SCAPER: variants seen among roughly 807,000 people sequenced by gnomAD.
SCAPER encodes S-phase cyclin A associated protein in the ER.
A neutral mutation model predicts 182.2 loss-of-function variants in SCAPER; 98 were observed. That is an observed-to-expected ratio of 0.54 (90% CI 0.46 to 0.64). The LOEUF (loss-of-function observed/expected upper bound fraction) is 0.64. Among genes scored for constraint, SCAPER ranks in the 30% least tolerant of loss-of-function variants. The pLI is 0.00. For missense variants in SCAPER, 1,432 were observed against 1,690.0 expected (o/e 0.85, Z 2.68); for synonymous variants, 605 against 564.6 (o/e 1.07, Z -1.01).
chr15:76,633,250 T>C (rs562345354), intron 21 of SCAPER, among the ~76,000 whole-genome samples: 1 of 152,276 alleles, frequency 6.6e-6, no homozygotes, highest in African/African-American at 2.4e-5. Flanking sequence ...CTCCTGGAAT[T>C]ATCACCAGTG....
At chr15:76,842,514 T>C (rs1470996152) in intron 4 of SCAPER, among the ~76,000 whole-genome samples, 1 of 152,166 alleles carries the variant, frequency 6.6e-6, no homozygotes, top group African/African-American at 2.4e-5. Context: ...GCCATGATTG[T>C]ATGAGTTTCC....
At chr15:76,625,101 C>A (rs2052446154) in intron 21 of SCAPER, among the ~76,000 whole-genome samples, 1 of 152,132 alleles carries the variant, frequency 6.6e-6, no homozygotes, top group African/African-American at 2.4e-5. Flanking sequence ...CTGGGCTGGG[C>A]AGTCCCCAGG....
At chr15:76,797,613 A>G (rs973477182) in intron 7 of SCAPER, 3 of 152,232 alleles carry the variant, frequency 2.0e-5, no homozygotes, top group African/African-American at 7.2e-5. Flanking sequence ...CAGAGCATTC[A>G]AAGTATGTCC....
At chr15:76,485,854 C>T (rs991808895) in intron 24 of SCAPER, among the ~76,000 whole-genome samples, 2 of 152,090 alleles carry the variant, frequency 1.3e-5, no homozygotes, top group African/African-American at 2.4e-5. Context: ...GAAACTGGGC[C>T]CCTTCCTTAC....
At chr15:76,485,237 A>G (rs1056311339) in intron 24 of SCAPER, among the ~76,000 whole-genome samples, 2 of 152,020 alleles carry the variant, frequency 1.3e-5, no homozygotes, top group African/African-American at 4.8e-5. Flanking sequence ...AATATCACCG[A>G]CAACAGTCAA....
chr15:76,894,803 C>A (rs992342675), intron 1 of SCAPER, among the ~76,000 whole-genome samples: 1 of 152,046 alleles, frequency 6.6e-6, no homozygotes, highest in African/African-American at 2.4e-5. Flanking sequence ...AAGTAAACTC[C>A]TAGAAATATA....
intron 14 of SCAPER, among the ~76,000 whole-genome samples, chr15:76,757,117 T>G (rs576434938): frequency 6.6e-6 from 1 of 152,248 alleles, no homozygotes; most frequent in Non-Finnish European, 1.5e-5. Context: ...GACTTTCTAA[T>G]GAAGGAATAT....
chr15:76,628,812 GT>G (rs1311651078), intron 21 of SCAPER, among the ~76,000 whole-genome samples: 1 of 152,208 alleles, frequency 6.6e-6, no homozygotes, highest in Non-Finnish European at 1.5e-5. Context: ...TGTGAAGAAT[GT>G]CAATGATAGT....
At chr15:76,490,645 T>G (rs551183770) in intron 24 of SCAPER, among the ~76,000 whole-genome samples, 1 of 152,328 alleles carries the variant, frequency 6.6e-6, no homozygotes, top group African/African-American at 2.4e-5. Context: ...TATTTTAATG[T>G]GGTCCCATTT....
At chr15:76,858,708 T>G (rs995213681) in intron 3 of SCAPER, among the ~76,000 whole-genome samples, 1 of 152,214 alleles carries the variant, frequency 6.6e-6, no homozygotes, top group African/African-American at 2.4e-5. Flanking sequence ...CACTTATAAA[T>G]GAGAACGTGC....
At chr15:76,767,301 T>A (rs1467353141) in intron 10 of SCAPER, among the ~76,000 whole-genome samples, 1 of 152,120 alleles carries the variant, frequency 6.6e-6, no homozygotes, top group Admixed American at 6.5e-5. Flanking sequence ...TTCCATAAAA[T>A]GGAACAATAA....
intron 24 of SCAPER, among the ~76,000 whole-genome samples, chr15:76,497,789 G>A (rs1465662350): frequency 1.3e-5 from 2 of 151,650 alleles, no homozygotes; most frequent in African/African-American, 4.8e-5. Context: ...TCACGAGATC[G>A]AGACCAGCCT....
chr15:76,859,876 C>T (rs1453532596), intron 3 of SCAPER, among the ~76,000 whole-genome samples: 2 of 151,990 alleles, frequency 1.3e-5, no homozygotes, highest in African/African-American at 2.4e-5. Flanking sequence ...TGCCATGCCC[C>T]GCTAATTGTT....
chr15:76,355,055 A>G (rs1391190022), intron 29 of SCAPER, among the ~76,000 whole-genome samples: 2 of 152,230 alleles, frequency 1.3e-5, no homozygotes, highest in Admixed American at 6.5e-5. Flanking sequence ...GAAAAACACA[A>G]TTTTACAGGT....
intron 24 of SCAPER, among the ~76,000 whole-genome samples, chr15:76,494,637 A>G (rs938087805): frequency 1.3e-5 from 2 of 152,188 alleles, no homozygotes; most frequent in African/African-American, 4.8e-5. Context: ...TAACTTTGTA[A>G]GAGATCCAAC....
intron 22 of SCAPER, among the ~76,000 whole-genome samples, chr15:76,587,894 G>A (rs1472081754): frequency 6.6e-6 from 1 of 151,394 alleles, no homozygotes; most frequent in Non-Finnish European, 1.5e-5. Context: ...CACTATTACT[G>A]TGCTACTGTC....
At chr15:76,690,327 C>A (rs1410345430) in intron 20 of SCAPER, among the ~76,000 whole-genome samples, 1 of 152,004 alleles carries the variant, frequency 6.6e-6, no homozygotes, top group Non-Finnish European at 1.5e-5. Flanking sequence ...AAATGCCTCA[C>A]CCAGCACTCC....
intron 25 of SCAPER, among the ~76,000 whole-genome samples, chr15:76,446,984 T>G (rs983346053): frequency 2.0e-5 from 3 of 152,204 alleles, no homozygotes; most frequent in Non-Finnish European, 2.9e-5. Context: ...CTGTTTTAGC[T>G]AATTCTGCCC....
At chr15:76,803,004 T>C (rs1402720208) in intron 6 of SCAPER, among the ~76,000 whole-genome samples, 2 of 152,198 alleles carry the variant, frequency 1.3e-5, no homozygotes, top group Non-Finnish European at 2.9e-5. Flanking sequence ...CCATCATCTC[T>C]AAACTACATT....
Sources: gnomAD v4.1 joint callset for allele counts (sites outside exome capture counted in the v4.1 genomes callset) on GRCh38, gnomAD v4.1.1 for gene constraint, MANE v1.5 for transcripts, NCBI Gene and HGNC (gene_info 2026-07-23, HGNC 2026-07-21) for gene names.